Variants in CNTN6 observed in about 807,000 individuals in gnomAD.
CNTN6 encodes the protein contactin-6.
In CNTN6, 137 loss-of-function variants were observed where a neutral mutation model predicts 122.8. The ratio of observed to expected loss-of-function variants is 1.12; its 90% CI spans 0.97 to 1.29. CNTN6 has a LOEUF of 1.29. CNTN6 is among the 50% of genes most tolerant of loss of function. The probability of loss-of-function intolerance (pLI) is 0.00; values close to 1 mark genes in which losing one functional copy is unlikely to be tolerated. For missense variants in CNTN6, 1,634 were observed against 1,223.4 expected (o/e 1.34, Z -5.01); for synonymous variants, 570 against 426.0 (o/e 1.34, Z -4.16).
At chr3:1,224,218 A>G (rs939615755) in intron 3 of CNTN6, among the ~76,000 whole-genome samples, 3 of 152,104 alleles carry the variant, frequency 2.0e-5, no homozygotes, top group Non-Finnish European at 1.5e-5. Context: ...CATAGAATCA[A>G]CTCATAGAAG....
chr3:1,200,872 G>A (rs1246981167), intron 2 of CNTN6, among the ~76,000 whole-genome samples: 1 of 151,502 alleles, frequency 6.6e-6, no homozygotes, highest in Non-Finnish European at 1.5e-5. Flanking sequence ...CAGGGCATAT[G>A]CATTTACTTA....
intron 17 of CNTN6, among the ~76,000 whole-genome samples, chr3:1,380,419 G>C (rs1452620128): frequency 6.6e-6 from 1 of 152,062 alleles, no homozygotes; most frequent in Non-Finnish European, 1.5e-5. Flanking sequence ...ATATAGCAAT[G>C]GGTAATTCCT....
chr3:1,235,282 CA>C (rs2094406908), intron 4 of CNTN6, among the ~76,000 whole-genome samples: 1 of 152,130 alleles, frequency 6.6e-6, no homozygotes, highest in African/African-American at 2.4e-5. Flanking sequence ...GACAGATGCA[CA>C]AGCTGAAATG....
intron 1 of CNTN6, among the ~76,000 whole-genome samples, chr3:1,141,875 C>G (rs1008508887): frequency 6.6e-6 from 1 of 152,126 alleles, no homozygotes; most frequent in African/African-American, 2.4e-5. Context: ...AAGCTTATTA[C>G]AGAGCTATGC....
At chr3:1,299,519 A>C (rs1696843865) in intron 7 of CNTN6, among the ~76,000 whole-genome samples, 1 of 152,190 alleles carries the variant, frequency 6.6e-6, no homozygotes, top group South Asian at 2.1e-4. Flanking sequence ...TCATTTGCTA[A>C]GCACCTATAA....
chr3:1,191,656 A>G (rs1262728323), intron 2 of CNTN6, among the ~76,000 whole-genome samples: 1 of 152,196 alleles, frequency 6.6e-6, no homozygotes, highest in Non-Finnish European at 1.5e-5. Flanking sequence ...CCTAATTTGT[A>G]GCCAAGTTGA....
At chr3:1,108,444 G>T (rs2091330204) in intron 1 of CNTN6, among the ~76,000 whole-genome samples, 1 of 151,964 alleles carries the variant, frequency 6.6e-6, no homozygotes, top group African/African-American at 2.4e-5. Context: ...ACTACATTTT[G>T]ACTGTGATGT....
intron 4 of CNTN6, among the ~76,000 whole-genome samples, chr3:1,272,142 C>T (rs777435787): frequency 6.6e-6 from 1 of 152,194 alleles, no homozygotes; most frequent in South Asian, 2.1e-4. Flanking sequence ...CACCTTCCAC[C>T]ATGATTATAG....
At position 1,297,886 on chromosome 3, in the gene CNTN6, C is replaced by T. The variant is rs1209735601; in HGVS notation, c.659-3C>T. ...TGCTGCTAGCTCTTTTGATATTTAACAGGTGTGATGGGGGAATATGAACCA... is the reference window on the plus strand; with the variant it reads ...TGCTGCTAGCTCTTTTGATATTTAATAGGTGTGATGGGGGAATATGAACCA... On this transcript the variant is annotated splice_polypyrimidine_tract_variant and splice_region_variant and intron_variant, in intron 6 of 22. Transcript: ENST00000446702. 9.3e-6 allele frequency: 15 copies of T among 1,604,468 alleles called. No homozygotes were observed. Among genetic ancestry groups the T allele is most frequent in the African/African-American group, 1.3e-5 (1 of 74,534 alleles).
chr3:1,284,275 TG>T (rs1207431703), intron 5 of CNTN6, among the ~76,000 whole-genome samples: 3 of 152,096 alleles, frequency 2.0e-5, no homozygotes, highest in African/African-American at 7.2e-5. Context: ...GGCTCACAAT[TG>T]TGTTATCAAA....
chr3:1,316,455 AACTC>A (rs1199960304), intron 7 of CNTN6, among the ~76,000 whole-genome samples: 4 of 151,842 alleles, frequency 2.6e-5, no homozygotes, highest in African/African-American at 4.8e-5. Context: ...ATCTCACAAT[AACTC>A]ACTCACTATC....
chr3:1,278,349 C>A, intron 4 of CNTN6, 64 bp from the exon 5 acceptor site: 1 of 1,143,394 alleles, frequency 8.7e-7, no homozygotes, highest in South Asian at 1.5e-5. Flanking sequence ...TCTTGAGATT[C>A]TTCTTTAAAA....
chr3:1,381,539 A>T (rs964128213), intron 17 of CNTN6, among the ~76,000 whole-genome samples: 5 of 152,144 alleles, frequency 3.3e-5, no homozygotes. Flanking sequence ...AACATGGTTC[A>T]TCACTGCTCT....
chr3:1,273,989 C>G (rs1374281001), intron 4 of CNTN6, among the ~76,000 whole-genome samples: 1 of 152,126 alleles, frequency 6.6e-6, no homozygotes, highest in Non-Finnish European at 1.5e-5. Context: ...TTGTTAATTT[C>G]ATAGAATCAT....
At chr3:1,385,893 T>A in intron 20 of CNTN6, 96 bp downstream of exon 20, 1 of 1,187,290 alleles carries the variant, frequency 8.4e-7, no homozygotes, top group Non-Finnish European at 1.2e-6. Flanking sequence ...CTCATTTCTT[T>A]ACTAATTGGT....
intron 2 of CNTN6, among the ~76,000 whole-genome samples, chr3:1,158,080 C>G (rs760446313): frequency 2.6e-5 from 4 of 152,148 alleles, no homozygotes; most frequent in Non-Finnish European, 5.9e-5. Context: ...TATGGTAACT[C>G]TAGTTTTAGT....
intron 2 of CNTN6, among the ~76,000 whole-genome samples, chr3:1,214,301 CT>C (rs34799447): frequency 0.083 from 3,652 of 43,838 alleles, 31 homozygotes; most frequent in African/African-American, 0.16. Flanking sequence ...TGTTGGATGT[CT>C]TTTTTTTTTT....
At chr3:1,292,935 T>C (rs1695571675) in intron 5 of CNTN6, among the ~76,000 whole-genome samples, 1 of 151,940 alleles carries the variant, frequency 6.6e-6, no homozygotes, top group South Asian at 2.1e-4. Context: ...CCCACACTCA[T>C]AACATGCTTT....
chr3:1,238,253 C>T (rs945073031), intron 4 of CNTN6, among the ~76,000 whole-genome samples: 4 of 152,096 alleles, frequency 2.6e-5, no homozygotes, highest in Non-Finnish European at 4.4e-5. Context: ...AAAGATATTC[C>T]GTGCAAATGG....
Sources: allele counts gnomAD v4.1 joint callset (sites outside exome capture counted in the v4.1 genomes callset), GRCh38; gene constraint gnomAD v4.1.1; transcripts MANE v1.5; gene names NCBI Gene and HGNC (gene_info 2026-07-23, HGNC 2026-07-21).